XPR1: variants seen among roughly 807,000 people sequenced by gnomAD.
The protein encoded by XPR1 is solute carrier family 53 member 1.
XPR1 carries 28 observed loss-of-function variants against 87.5 expected under a neutral mutation model. That is an observed-to-expected ratio of 0.32 (90% CI 0.24 to 0.44). The LOEUF (loss-of-function observed/expected upper bound fraction) is 0.44, where lower values mean the gene tolerates loss of function less well. XPR1 is among the 20% of genes least tolerant of loss of function. The pLI, the probability that XPR1 is intolerant of heterozygous loss-of-function variation, is 1.00. For synonymous variants in XPR1, 300 were observed against 306.1 expected (o/e 0.98, Z 0.21); for missense variants, 559 against 862.3 (o/e 0.65, Z 4.41).
At position 180,691,346 on chromosome 1, in the gene XPR1, A is replaced by G. The variant is rs182581696; in HGVS notation, c.121+8935A>G. Reference sequence around the variant, plus strand: ...TTTTTGATATATATCTACTCAGTGGAATGTATTTTTTAGACTATTTAAATT... The same window carrying G: ...TTTTTGATATATATCTACTCAGTGGGATGTATTTTTTAGACTATTTAAATT... On this transcript the variant is annotated intron_variant, in intron 2 of 14. Transcript: ENST00000367590. Among the ~76,000 whole-genome samples the G allele has an allele frequency of 3.3e-4, 50 of 152,212 alleles. No homozygotes were observed. In the East Asian group the frequency reaches 7.9e-3, roughly 24 times the overall value.
rs540602842 is a variant in XPR1, at chr1:180,637,337, C to T, written c.69+5067C>T. Among the ~76,000 whole-genome samples, 11 of 152,010 alleles carry T rather than the reference C, an allele frequency of 7.2e-5. No individual in the cohort carries two copies. The South Asian group carries it at 1.5e-3, about 20-fold the overall frequency. ...ATTATCTAGTTTTAGCCAAATCAAC[C>T]GCTAGGAAATAGACATGTCTTAAAA... On this transcript the variant is annotated intron_variant, in intron 1 of 14. Transcript: ENST00000367590.
intron 2 of XPR1, among the ~76,000 whole-genome samples, chr1:180,705,586 A>G (rs1334072441): frequency 2.0e-5 from 3 of 152,202 alleles, no homozygotes; most frequent in East Asian, 3.8e-4. Context: ...TGAGATAGTT[A>G]ATTTTAAAGG....
At chr1:180,737,256 C>T (rs995452032) in intron 2 of XPR1, among the ~76,000 whole-genome samples, 8 of 152,182 alleles carry the variant, frequency 5.3e-5, no homozygotes, top group South Asian at 2.1e-4. Flanking sequence ...TGTTTTCCTA[C>T]GTTATGTAAG....
At chr1:180,718,954 A>T (rs1041789130) in intron 2 of XPR1, among the ~76,000 whole-genome samples, 1 of 152,184 alleles carries the variant, frequency 6.6e-6, no homozygotes, top group Non-Finnish European at 1.5e-5. Context: ...GGCATGAGCC[A>T]CTGTACCCAG....
chr1:180,664,776 G>A (rs76020340), intron 1 of XPR1, among the ~76,000 whole-genome samples: 5,184 of 152,288 alleles, frequency 0.034, 133 homozygotes, highest in African/African-American at 0.07. Context: ...AGCACCAGGG[G>A]CTGGTTTCAT....
chr1:180,834,015 G>A (rs1010846816), intron 9 of XPR1, among the ~76,000 whole-genome samples: 11 of 151,880 alleles, frequency 7.2e-5, no homozygotes, highest in African/African-American at 2.4e-4. Context: ...CAAATATCAA[G>A]GAGTAGGAAC....
chr1:180,678,051 T>TA (rs919690126), intron 1 of XPR1, among the ~76,000 whole-genome samples: 23 of 152,350 alleles, frequency 1.5e-4, no homozygotes, highest in African/African-American at 5.3e-4. Context: ...GCACTGTACT[T>TA]ACCATTACAG....
intron 1 of XPR1, among the ~76,000 whole-genome samples, chr1:180,679,740 A>G (rs1216981386): frequency 6.6e-6 from 1 of 152,194 alleles, no homozygotes; most frequent in African/African-American, 2.4e-5. Flanking sequence ...AACTATTACT[A>G]TAAAGTAAAC....
At position 180,713,611 on chromosome 1, in the gene XPR1, C is replaced by T. The variant is rs531331068; in HGVS notation, c.121+31200C>T. ...AGTAGACATTGGACTTTGTTAGGTG[C>T]TTTTTTCATATTTATTGAGATGATC... On this transcript the variant is annotated intron_variant, in intron 2 of 14. Transcript: ENST00000367590. Among the ~76,000 whole-genome samples the T allele has an allele frequency of 2.2e-4, 34 of 152,076 alleles. No homozygotes were observed. In the East Asian group the frequency reaches 5.8e-3, roughly 26 times the overall value.
intron 2 of XPR1, among the ~76,000 whole-genome samples, chr1:180,713,410 A>G (rs1220284284): frequency 2.6e-5 from 4 of 152,180 alleles, no homozygotes; most frequent in Admixed American, 2.0e-4. Context: ...CAGATTTTCT[A>G]TATAGACCAA....
At chr1:180,709,924 G>A (rs12070554) in intron 2 of XPR1, among the ~76,000 whole-genome samples, 1,767 of 143,536 alleles carry the variant, frequency 0.012, 27 homozygotes, top group African/African-American at 0.043. Context: ...TTTTATTTTC[G>A]AGATGGAGTT....
chr1:180,719,656 A>T (rs570607689), intron 2 of XPR1, among the ~76,000 whole-genome samples: 109 of 152,322 alleles, frequency 7.2e-4, no homozygotes, highest in African/African-American at 2.6e-3. Context: ...ATATTTAGAT[A>T]CATGTATGCA....
intron 13 of XPR1, 184 bp downstream of exon 13, chr1:180,874,126 C>T: frequency 3.0e-6 from 2 of 668,414 alleles, no homozygotes; most frequent in Non-Finnish European, 4.7e-6. Context: ...AACTCTTGAC[C>T]TCAGTTGATC....
intron 11 of XPR1, among the ~76,000 whole-genome samples, chr1:180,847,594 A>G (rs1651727208): frequency 6.6e-6 from 1 of 152,214 alleles, no homozygotes; most frequent in Non-Finnish European, 1.5e-5. Context: ...TAAATACACT[A>G]TAACTGGTGT....
intron 2 of XPR1, among the ~76,000 whole-genome samples, chr1:180,761,968 G>T (rs560024421): frequency 2.0e-5 from 3 of 152,062 alleles, no homozygotes; most frequent in Non-Finnish European, 4.4e-5. Flanking sequence ...CATGTCCTTT[G>T]TAGGGACATG....
At chr1:180,779,728 GA>G in intron 2 of XPR1, among the ~76,000 whole-genome samples, 3 of 151,176 alleles carry the variant, frequency 2.0e-5, no homozygotes, top group African/African-American at 7.3e-5. Flanking sequence ...GAGGGAGAGG[GA>G]AAAAAAGGAA....
At chr1:180,720,737 G>C (rs935041294) in intron 2 of XPR1, among the ~76,000 whole-genome samples, 1 of 152,126 alleles carries the variant, frequency 6.6e-6, no homozygotes, top group Non-Finnish European at 1.5e-5. Context: ...GTCTTCAGGG[G>C]ATTTGAATGC....
intron 1 of XPR1, among the ~76,000 whole-genome samples, chr1:180,666,761 T>C (rs562177324): frequency 1.3e-5 from 2 of 152,344 alleles, no homozygotes; most frequent in African/African-American, 4.8e-5. Flanking sequence ...ACATATAAAA[T>C]TAGCATATGC....
chr1:180,688,500 C>G (rs1656867249), intron 2 of XPR1, among the ~76,000 whole-genome samples: 1 of 152,080 alleles, frequency 6.6e-6, no homozygotes, highest in Non-Finnish European at 1.5e-5. Context: ...ATTAAAGTGA[C>G]TAGAATTGTG....
Sources: allele counts gnomAD v4.1 joint callset (sites outside exome capture counted in the v4.1 genomes callset), GRCh38; gene constraint gnomAD v4.1.1; transcripts MANE v1.5; gene names NCBI Gene and HGNC (gene_info 2026-07-23, HGNC 2026-07-21).